The following PTP4A3 variants were observed in gnomAD, a reference collection of about 807,000 sequenced individuals.
PTP4A3 encodes protein tyrosine phosphatase 4A3.
A neutral mutation model predicts 15.2 loss-of-function variants in PTP4A3; 9 were observed. That is an observed-to-expected ratio of 0.59 (90% CI 0.36 to 1.03). PTP4A3 has a LOEUF of 1.03. Ranked by LOEUF, PTP4A3 falls within the 50% of genes least tolerant of loss-of-function variation. PTP4A3 has a pLI of 0.02. For missense variants in PTP4A3, 234 were observed against 252.1 expected (o/e 0.93, Z 0.49); for synonymous variants, 95 against 102.0 (o/e 0.93, Z 0.41).
At chr8:141,399,324 G>A (rs962677099) in intron 1 of PTP4A3, among the ~76,000 whole-genome samples, 6 of 152,196 alleles carry the variant, frequency 3.9e-5, no homozygotes, top group Non-Finnish European at 5.9e-5. Flanking sequence ...TAATCTCCCC[G>A]TCCTGGGTCA....
chr8:141,426,902 C>A, intron 3 of PTP4A3, 37 bp from the exon 4 acceptor site: 1 of 1,600,462 alleles, frequency 6.2e-7, no homozygotes, highest in Non-Finnish European at 8.5e-7. Flanking sequence ...TCTACCCTCC[C>A]TCAGCCGGGG....
chr8:141,418,623 TGGTAGCAGGAGGGAAGGA>T (rs574489125), intron 1 of PTP4A3, among the ~76,000 whole-genome samples: 5 of 152,162 alleles, frequency 3.3e-5, no homozygotes, highest in Non-Finnish European at 5.9e-5. Context: ...CTGCAGGGCT[TGGTAGCAGGAGGGAAGGA>T]GGTAGCAGGA....
rs1015469113 is a variant in PTP4A3, at chr8:141,431,073, A to T, written c.*29A>T. On this transcript the variant is annotated 3_prime_UTR_variant, in exon 6 of 6. Coordinates refer to ENST00000521578, the MANE Select transcript of PTP4A3 (RefSeq NM_032611.3). Reference sequence around the variant, plus strand: ...AGGACCTTGGCTGGGCCTGGTCGTCATGTAGGTCAGGACCTTGGCTGGACC... The same window carrying T: ...AGGACCTTGGCTGGGCCTGGTCGTCTTGTAGGTCAGGACCTTGGCTGGACC... 6.2e-7 allele frequency: 1 copy of T among 1,607,132 alleles called. No homozygotes were observed. The highest frequency in any genetic ancestry group is 8.5e-7 in the Non-Finnish European group (1 of 1,174,824).
intron 5 of PTP4A3, among the ~76,000 whole-genome samples, chr8:141,428,079 C>A (rs928730047): frequency 6.6e-6 from 1 of 152,036 alleles, no homozygotes; most frequent in African/African-American, 2.4e-5. Context: ...CCGCCCTCCA[C>A]AGACAGAGCT....
chr8:141,423,871 A>G (rs1363004187), intron 2 of PTP4A3, among the ~76,000 whole-genome samples: 1 of 149,374 alleles, frequency 6.7e-6, no homozygotes, highest in African/African-American at 2.5e-5. Flanking sequence ...ACCCAGATCA[A>G]GGCTCGGTAT....
chr8:141,427,687 G>T, intron 4 of PTP4A3, 63 bp from the exon 5 acceptor site: 1 of 1,409,188 alleles, frequency 7.1e-7, no homozygotes, highest in Non-Finnish European at 9.7e-7. Flanking sequence ...TTCAGCAGGT[G>T]CCCTGCCAAG....
intron 1 of PTP4A3, among the ~76,000 whole-genome samples, chr8:141,411,182 C>G (rs1447586126): frequency 1.3e-5 from 2 of 152,224 alleles, no homozygotes; most frequent in Non-Finnish European, 2.9e-5. Context: ...TTTTCTGCCC[C>G]CTCTTGATTG....
In PTP4A3 at chr8:141,431,276, G is replaced by T; in HGVS notation, c.*232G>T. 1.8e-6 allele frequency: 1 copy of T among 566,224 alleles called. No homozygotes were observed. The highest frequency in any genetic ancestry group is 3.0e-5 in the East Asian group (1 of 33,716). The allele number at this position is 566,224 out of a possible 1,614,324, so 35.1% of individuals were successfully genotyped here. ...TCCTGTCTCCGCCACTCCCTCTGGC[G>T]GCGCTGGCCGTGGCTCTGTCTCTCT... On this transcript the variant is annotated 3_prime_UTR_variant, in exon 6 of 6. Transcript: ENST00000521578.
rs757028048 is a variant in PTP4A3 at position 141,425,109 on chromosome 8, C to A, written c.167C>A (p.Thr56Lys). 6.2e-7 allele frequency: 1 copy of A among 1,612,216 alleles called. No individual in the cohort carries two copies. Among genetic ancestry groups the A allele is most frequent in the Admixed American group, 1.7e-5 (1 of 59,958 alleles). The stretch of plus-strand genomic sequence containing the variant: ...GTGTGTGAAGTGACCTATGACAAAA[C>A]GCCGCTGGAGAAGGATGGCATCACC... ...VRVCEVTYDKTPLEKDGITVV... is the reference protein window; with the variant it reads ...VRVCEVTYDKKPLEKDGITVV... Residue 56 changes from threonine to lysine, a missense_variant, in exon 3 of 6, where the codon ACG becomes AAG. Thr to Lys is a moderately conservative substitution (Grantham distance 78). Transcript: ENST00000521578. This position sits in a 1 kb window ranked among gnomAD's most constrained non-coding sequence, Gnocchi z 4.2.
At chr8:141,422,381 C>T in intron 2 of PTP4A3, 36 bp downstream of exon 2, 1 of 1,611,322 alleles carries the variant, frequency 6.2e-7, no homozygotes, top group South Asian at 1.1e-5. Context: ...GCAGGTGGCC[C>T]AGGTGTCTGG....
At chr8:141,427,256 A>G (rs1336321337) in intron 4 of PTP4A3, among the ~76,000 whole-genome samples, 187 bp downstream of exon 4, 2 of 152,118 alleles carry the variant, frequency 1.3e-5, no homozygotes, top group Admixed American at 1.3e-4. Context: ...GTGCTTCCCA[A>G]AGTCTAACCC....
chr8:141,395,494 G>A (rs1246889373), intron 1 of PTP4A3, among the ~76,000 whole-genome samples: 1 of 152,202 alleles, frequency 6.6e-6, no homozygotes, highest in African/African-American at 2.4e-5. Flanking sequence ...GGGGTCCTGA[G>A]AGTGGGCCCT....
intron 1 of PTP4A3, among the ~76,000 whole-genome samples, chr8:141,395,998 T>C (rs924768775): frequency 6.6e-6 from 1 of 152,172 alleles, no homozygotes; most frequent in Non-Finnish European, 1.5e-5. Flanking sequence ...CACCCTGTCC[T>C]GGCCACCTGC....
intron 5 of PTP4A3, among the ~76,000 whole-genome samples, chr8:141,429,342 A>G (rs1265425004): frequency 6.6e-6 from 1 of 152,232 alleles, no homozygotes; most frequent in Non-Finnish European, 1.5e-5. Flanking sequence ...GCAGGTGGGG[A>G]TGGATGAGCC....
At chr8:141,424,242 G>C (rs1157405317) in intron 2 of PTP4A3, among the ~76,000 whole-genome samples, 1 of 152,186 alleles carries the variant, frequency 6.6e-6, no homozygotes, top group East Asian at 1.9e-4. Flanking sequence ...TCCCAAAATA[G>C]CTACGAGAGC....
chr8:141,412,864 T>C (rs1730678506), intron 1 of PTP4A3, among the ~76,000 whole-genome samples: 1 of 152,216 alleles, frequency 6.6e-6, no homozygotes, highest in South Asian at 2.1e-4. Flanking sequence ...GCACACAGCA[T>C]GCACGGGACG....
At chr8:141,428,227 C>T (rs1019695966) in intron 5 of PTP4A3, among the ~76,000 whole-genome samples, 3 of 152,264 alleles carry the variant, frequency 2.0e-5, no homozygotes, top group African/African-American at 7.2e-5. Context: ...GGGCTAGTGT[C>T]TCAGGACTAC....
intron 2 of PTP4A3, among the ~76,000 whole-genome samples, chr8:141,424,259 G>A (rs751104418): frequency 5.9e-5 from 9 of 152,176 alleles, no homozygotes; most frequent in Non-Finnish European, 1.0e-4. Context: ...GAGCAGGTGG[G>A]GTGGGAACAG....
chr8:141,416,736 T>C (rs1437871146), intron 1 of PTP4A3, among the ~76,000 whole-genome samples: 1 of 151,990 alleles, frequency 6.6e-6, no homozygotes, highest in Non-Finnish European at 1.5e-5. Context: ...AGCCCTCCTG[T>C]CCTCTGCTCC....
Sources: allele counts gnomAD v4.1 joint callset (sites outside exome capture counted in the v4.1 genomes callset), GRCh38; gene constraint gnomAD v4.1.1; non-coding constraint Gnocchi (gnomAD v3.1); transcripts MANE v1.5; gene names NCBI Gene and HGNC (gene_info 2026-07-23, HGNC 2026-07-21).